The following CPE variants were observed in gnomAD, a reference collection of about 807,000 sequenced individuals.
The protein encoded by CPE is carbocypeptidase E.
CPE carries 17 observed loss-of-function variants against 53.5 expected under a neutral mutation model. That is an observed-to-expected ratio of 0.32 (90% CI 0.22 to 0.48). CPE has a LOEUF of 0.48. CPE is among the 20% of genes least tolerant of loss of function. CPE has a pLI of 0.99. For synonymous variants in CPE, 226 were observed against 228.8 expected (o/e 0.99, Z 0.11); for missense variants, 524 against 614.7 (o/e 0.85, Z 1.56).
chr4:165,423,307 GCT>G (rs1408883927), intron 1 of CPE, among the ~76,000 whole-genome samples: 1 of 152,066 alleles, frequency 6.6e-6, no homozygotes, highest in Non-Finnish European at 1.5e-5. Context: ...TTTCCTTTTA[GCT>G]TAGTGATTTT....
At position 165,379,558 on chromosome 4, in the gene CPE, G is replaced by A. The variant is rs779972381; in HGVS notation, c.307+30G>A. ...GGGCGCTGCCCCCTGACAGCCCTGG[G>A]GGCATCCCGGAGGGGGGCGGCAGAG... On this transcript the variant is annotated intron_variant, in intron 1 of 8. Transcript: ENST00000402744. The surrounding 1 kb of genome is among the most constrained non-coding windows in gnomAD (Gnocchi z 6.0). 4.8e-5 allele frequency: 72 copies of A among 1,502,078 alleles called. No homozygotes were observed. The highest frequency in any genetic ancestry group is 2.0e-4 in the African/African-American group (14 of 71,484). 93.0% of individuals were successfully genotyped at this position (1,502,078 alleles called of 1,614,324 possible). A position where few individuals can be genotyped will look rare whatever the true frequency, so the allele number is the denominator to read the frequency against.
chr4:165,460,247 A>G (rs886594670), intron 1 of CPE, among the ~76,000 whole-genome samples: 1 of 152,170 alleles, frequency 6.6e-6, no homozygotes, highest in African/African-American at 2.4e-5. Context: ...AAGGTAAAGA[A>G]CGTATTGACT....
At chr4:165,428,318 T>G (rs1230680014) in intron 1 of CPE, among the ~76,000 whole-genome samples, 2 of 152,246 alleles carry the variant, frequency 1.3e-5, no homozygotes, top group Non-Finnish European at 2.9e-5. Context: ...GTGTTGGGAT[T>G]ATAGGCATGA....
chr4:165,386,700 C>G (rs1730599512), intron 1 of CPE, among the ~76,000 whole-genome samples: 1 of 152,156 alleles, frequency 6.6e-6, no homozygotes, highest in South Asian at 2.1e-4. Context: ...AGAGAAGAGT[C>G]TTCAGACATC....
chr4:165,393,592 T>G, intron 1 of CPE, among the ~76,000 whole-genome samples: 1 of 152,214 alleles, frequency 6.6e-6, no homozygotes, highest in South Asian at 2.1e-4. Flanking sequence ...GAACTCATTT[T>G]CTGATACACA....
chr4:165,446,568 C>T (rs1456595263), intron 1 of CPE, among the ~76,000 whole-genome samples: 5 of 152,258 alleles, frequency 3.3e-5, no homozygotes, highest in Admixed American at 6.5e-5. Flanking sequence ...GGCGTGATCA[C>T]GACTCCTGAA....
At chr4:165,444,399 C>T (rs368145851) in intron 1 of CPE, among the ~76,000 whole-genome samples, 27 of 152,114 alleles carry the variant, frequency 1.8e-4, no homozygotes, top group Admixed American at 3.3e-4. Context: ...CAGTGGCTCA[C>T]GCCTGTAATC....
intron 1 of CPE, chr4:165,405,659 T>C (rs1730941390): frequency 1.3e-6 from 1 of 778,206 alleles, no homozygotes; most frequent in Admixed American, 1.7e-5. Flanking sequence ...AGGTATTTGA[T>C]TGTCCATTCC....
At chr4:165,392,359 T>G (rs28373383) in intron 1 of CPE, among the ~76,000 whole-genome samples, 1 of 146,492 alleles carries the variant, frequency 6.8e-6, no homozygotes, top group Non-Finnish European at 1.5e-5. Context: ...GTAATATACA[T>G]ATATCATATA....
chr4:165,379,583 G>A lies in CPE; in HGVS notation c.307+55G>A. 1 of 1,404,286 alleles carries A rather than the reference G, an allele frequency of 7.1e-7. No individual in the cohort carries two copies. 87.0% of individuals were successfully genotyped at this position (1,404,286 alleles called of 1,614,324 possible). A position where few individuals can be genotyped will look rare whatever the true frequency, so the allele number is the denominator to read the frequency against. ...GGGCATCCCGGAGGGGGGCGGCAGA[G>A]GGTGGGACTGGTGGCGGTGGGGGAA... is the stretch of plus-strand genomic sequence containing the variant. On this transcript the variant is annotated intron_variant, in intron 1 of 8. Coordinates refer to ENST00000402744, the MANE Select transcript of CPE (RefSeq NM_001873.4). The surrounding 1 kb of genome is among the most constrained non-coding windows in gnomAD (Gnocchi z 6.0).
At chr4:165,436,167 T>C (rs1579260674) in intron 1 of CPE, among the ~76,000 whole-genome samples, 1 of 149,888 alleles carries the variant, frequency 6.7e-6, no homozygotes, top group African/African-American at 2.5e-5. Context: ...AAAAAATATA[T>C]TTTGCAGCAT....
chr4:165,404,668 C>G (rs1315086748), intron 1 of CPE: 1 of 1,027,190 alleles, frequency 9.7e-7, no homozygotes, highest in Non-Finnish European at 1.6e-6. Context: ...CAACTCCTTC[C>G]TGGAGGATTC....
At chr4:165,443,647 C>T (rs1460476873) in intron 1 of CPE, among the ~76,000 whole-genome samples, 1 of 152,172 alleles carries the variant, frequency 6.6e-6, no homozygotes, top group Non-Finnish European at 1.5e-5. Flanking sequence ...GGACACCAGT[C>T]AGGTTGGATT....
chr4:165,497,618 T>C lies in CPE; in HGVS notation c.*8T>C, dbSNP rs201476510. 1.6e-4 allele frequency: 248 copies of C among 1,507,710 alleles called. 1 individual carries two copies. The African/African-American group carries it at 3.2e-3, about 19-fold the overall frequency. The allele number at this position is 1,507,710 out of a possible 1,614,324, so 93.4% of individuals were successfully genotyped here. ...GAAACTTTAAATTTTTAAAAAGGCT[T>C]CTAGTTAGCTGCTTTAAATCTATCT... On this transcript the variant is annotated 3_prime_UTR_variant, in exon 9 of 9. Transcript: ENST00000402744.
Position 165,464,479 on chromosome 4 carries a change from A to C in CPE, c.397A>C (p.Asn133His), listed in dbSNP as rs1180153805. ...LLIFLAQYLC[N>H]EYQKGNETIV... is the part of the protein sequence containing the mutation. ...CATTTTCTTGGCCCAGTACCTATGCAACGAATACCAGAAGGGGAACGAGAC... is the reference window on the plus strand; with the variant it reads ...CATTTTCTTGGCCCAGTACCTATGCCACGAATACCAGAAGGGGAACGAGAC... Residue 133 changes from asparagine (N) to histidine (H), a missense_variant, in exon 2 of 9, where the codon AAC (asparagine) becomes CAC (histidine). Transcript: ENST00000402744. 6.2e-7 allele frequency: 1 copy of C among 1,614,030 alleles called. No individual in the cohort carries two copies. The highest frequency in any genetic ancestry group is 1.1e-5 in the South Asian group (1 of 91,058).
chr4:165,469,365 C>T (rs1837171), intron 3 of CPE, among the ~76,000 whole-genome samples: 108,950 of 152,086 alleles, frequency 0.72, 39,216 homozygotes, highest in East Asian at 0.78. Context: ...TTCTCCATTT[C>T]ATTCTAGTTG....
At chr4:165,383,019 G>C (rs1366609714) in intron 1 of CPE, among the ~76,000 whole-genome samples, 1 of 152,148 alleles carries the variant, frequency 6.6e-6, no homozygotes, top group Non-Finnish European at 1.5e-5. Context: ...TATTGAAAGA[G>C]AGTTGCGAGT....
intron 3 of CPE, among the ~76,000 whole-genome samples, chr4:165,480,169 T>TAA (rs1382480440): frequency 1.3e-5 from 2 of 152,164 alleles, no homozygotes; most frequent in African/African-American, 4.8e-5. Flanking sequence ...TGACACACTT[T>TAA]AAAACACATA....
intron 3 of CPE, among the ~76,000 whole-genome samples, chr4:165,468,765 T>TTA (rs1279651819): frequency 6.6e-6 from 1 of 152,196 alleles, no homozygotes; most frequent in East Asian, 1.9e-4. Flanking sequence ...AACTCTATTC[T>TTA]ATCTTCTCAA....
Sources: gnomAD v4.1 joint callset for allele counts (sites outside exome capture counted in the v4.1 genomes callset) on GRCh38, gnomAD v4.1.1 for gene constraint, Gnocchi (gnomAD v3.1) non-coding constraint, MANE v1.5 for transcripts, NCBI Gene and HGNC (gene_info 2026-07-23, HGNC 2026-07-21) for gene names.